Variants in ARFIP1 observed in about 807,000 individuals in gnomAD.
The protein encoded by ARFIP1 is arfaptin-1.
Under a neutral mutation model 42.5 loss-of-function variants are expected in ARFIP1, and 24 were observed. That is an observed-to-expected ratio of 0.57 (90% CI 0.41 to 0.80). ARFIP1 has a LOEUF of 0.80. Among genes scored for constraint, ARFIP1 ranks in the 30% least tolerant of loss-of-function variants. The pLI, the probability that ARFIP1 is intolerant of heterozygous loss-of-function variation, is 0.00. For missense variants in ARFIP1, 354 were observed against 434.0 expected, an observed-to-expected ratio of 0.82 and a Z score of 1.64; for synonymous variants, 141 against 153.7, an observed-to-expected ratio of 0.92 and a Z score of 0.61.
At chr4:152,889,820 CTATA>C (rs1356861882) in intron 8 of ARFIP1, among the ~76,000 whole-genome samples, 1 of 105,530 alleles carries the variant, frequency 9.5e-6, no homozygotes, top group Non-Finnish European at 1.8e-5. Context: ...TATATATATA[CTATA>C]TATACTATAT....
Position 152,876,042 on chromosome 4 carries a change from C to T in ARFIP1, c.411+3478C>T, listed in dbSNP as rs572967635. On this transcript the variant is annotated intron_variant, in intron 5 of 8. Coordinates refer to ENST00000353617, the MANE Select transcript of ARFIP1 (RefSeq NM_001025595.3). ...TCCCCAGCCATGTGGAACTGTAAGT[C>T]CAGTTAAACCTCTTTTTATTCCCAG... Among the ~76,000 whole-genome samples the T allele has an allele frequency of 5.9e-5, 9 of 152,254 alleles. No homozygotes were observed. The East Asian group carries it at 1.7e-3, about 29-fold the overall frequency.
intron 1 of ARFIP1, among the ~76,000 whole-genome samples, chr4:152,793,371 C>G (rs1731248153): frequency 6.7e-6 from 1 of 148,888 alleles, no homozygotes. Context: ...GTACCTATCT[C>G]TGTAATTCTC....
intron 1 of ARFIP1, among the ~76,000 whole-genome samples, chr4:152,808,790 C>T (rs1020337446): frequency 1.3e-5 from 2 of 152,074 alleles, no homozygotes; most frequent in Admixed American, 6.5e-5. Flanking sequence ...AAAGTGGAGC[C>T]GGGCGTGGTG....
intron 4 of ARFIP1, 128 bp from the exon 5 acceptor site, chr4:152,872,324 A>G (rs932006456): frequency 5.0e-6 from 3 of 599,636 alleles, no homozygotes; most frequent in Non-Finnish European, 8.4e-6. Flanking sequence ...CTAGTTCTTT[A>G]CTTTGTGGGA....
chr4:152,859,464 A>G (rs1362946698), intron 2 of ARFIP1, among the ~76,000 whole-genome samples: 1 of 152,176 alleles, frequency 6.6e-6, no homozygotes, highest in Non-Finnish European at 1.5e-5. Flanking sequence ...TGCCTCATTT[A>G]TTGAATATAG....
At chr4:152,854,438 G>A (rs1473295743) in intron 2 of ARFIP1, among the ~76,000 whole-genome samples, 1 of 152,066 alleles carries the variant, frequency 6.6e-6, no homozygotes, top group Non-Finnish European at 1.5e-5. Context: ...AGAATCAGTA[G>A]TTTGAATTCT....
At chr4:152,856,115 T>C (rs1733409522) in intron 2 of ARFIP1, among the ~76,000 whole-genome samples, 1 of 152,228 alleles carries the variant, frequency 6.6e-6, no homozygotes, top group Admixed American at 6.5e-5. Context: ...ATGAAAGGTA[T>C]CTCTATAACT....
At chr4:152,896,870 C>CA (rs1435211489) in intron 8 of ARFIP1, among the ~76,000 whole-genome samples, 1 of 151,912 alleles carries the variant, frequency 6.6e-6, no homozygotes, top group Non-Finnish European at 1.5e-5. Context: ...CCTCTTAGCT[C>CA]AAAATTAGAT....
At chr4:152,812,027 G>T (rs763040114) in intron 1 of ARFIP1, among the ~76,000 whole-genome samples, 4 of 152,196 alleles carry the variant, frequency 2.6e-5, no homozygotes, top group Admixed American at 6.5e-5. Context: ...GCATAAAGTA[G>T]TATTGGTTTA....
intron 2 of ARFIP1, among the ~76,000 whole-genome samples, chr4:152,843,985 T>C (rs1482443886): frequency 6.6e-6 from 1 of 152,224 alleles, no homozygotes; most frequent in Non-Finnish European, 1.5e-5. Context: ...GATTTCCTTC[T>C]CACTGTGGAG....
At chr4:152,882,443 T>C (rs1735921060) in intron 6 of ARFIP1, among the ~76,000 whole-genome samples, 1 of 152,206 alleles carries the variant, frequency 6.6e-6, no homozygotes, top group South Asian at 2.1e-4. Context: ...AAACAAAATG[T>C]AGAAATGAAA....
intron 8 of ARFIP1, among the ~76,000 whole-genome samples, chr4:152,888,819 C>T (rs978752191): frequency 3.9e-5 from 6 of 152,070 alleles, no homozygotes; most frequent in African/African-American, 7.2e-5. Flanking sequence ...ACTAGAGCAA[C>T]GAGGGCTGAA....
intron 8 of ARFIP1, among the ~76,000 whole-genome samples, chr4:152,906,004 C>T (rs1738329199): frequency 6.6e-6 from 1 of 151,922 alleles, no homozygotes; most frequent in South Asian, 2.1e-4. Flanking sequence ...ATAATTTATG[C>T]TTTGTGTATA....
chr4:152,808,842 G>T (rs930487971), intron 1 of ARFIP1, among the ~76,000 whole-genome samples: 8 of 152,182 alleles, frequency 5.3e-5, no homozygotes, highest in Admixed American at 4.6e-4. Context: ...GCCGAGGCAT[G>T]CAGATCATCT....
intron 7 of ARFIP1, among the ~76,000 whole-genome samples, chr4:152,885,811 A>G (rs1430564882): frequency 6.6e-6 from 1 of 151,778 alleles, no homozygotes; most frequent in Non-Finnish European, 1.5e-5. Flanking sequence ...TTTATTTCCT[A>G]TTGTTTTTAG....
intron 2 of ARFIP1, among the ~76,000 whole-genome samples, chr4:152,839,306 G>C (rs1731880993): frequency 6.6e-6 from 1 of 152,162 alleles, no homozygotes; most frequent in African/African-American, 2.4e-5. Context: ...AAATGAATTA[G>C]GGAGGGTTCC....
At chr4:152,902,902 A>G (rs1246162184) in intron 8 of ARFIP1, among the ~76,000 whole-genome samples, 1 of 152,234 alleles carries the variant, frequency 6.6e-6, no homozygotes, top group African/African-American at 2.4e-5. Context: ...AGTGAACCTG[A>G]TAAACCAAGT....
chr4:152,790,510 A>T lies in ARFIP1; in HGVS notation c.-10+10284A>T, dbSNP rs376358765. ...TGAGAGTCTTATCATTTTACTTCTC[A>T]TTGGTTTCTCTGTAACACAGTCTGA... On this transcript the variant is annotated intron_variant, in intron 1 of 8. Transcript: ENST00000353617. 5.3e-5 allele frequency among the ~76,000 whole-genome samples: 8 copies of T among 152,234 alleles called. No homozygotes were observed. The East Asian group carries it at 1.4e-3, about 26-fold the overall frequency.
At chr4:152,822,387 C>CT (rs1412984806) in intron 1 of ARFIP1, among the ~76,000 whole-genome samples, 3 of 150,604 alleles carry the variant, frequency 2.0e-5, no homozygotes, top group African/African-American at 7.3e-5. Flanking sequence ...ATATATGCAC[C>CT]TAACTTTGGA....
Sources: gnomAD v4.1 joint callset for allele counts (sites outside exome capture counted in the v4.1 genomes callset) on GRCh38, gnomAD v4.1.1 for gene constraint, MANE v1.5 for transcripts, NCBI Gene and HGNC (gene_info 2026-07-23, HGNC 2026-07-21) for gene names.